HS3ST5: variants seen among roughly 807,000 people sequenced by gnomAD.
HS3ST5 encodes heparan sulfate glucosamine 3-O-sulfotransferase 5.
Under a neutral mutation model 25.4 loss-of-function variants are expected in HS3ST5, and 10 were observed. The observed-to-expected ratio is 0.39, with a 90% CI of 0.24 to 0.67. The LOEUF (loss-of-function observed/expected upper bound fraction) is 0.67, where lower values mean the gene tolerates loss of function less well. HS3ST5 is among the 30% of genes least tolerant of loss of function. The probability of loss-of-function intolerance (pLI) is 0.44; values close to 1 mark genes in which losing one functional copy is unlikely to be tolerated. For missense variants in HS3ST5, 324 were observed against 420.7 expected, an observed-to-expected ratio of 0.77 and a Z score of 2.01; for synonymous variants, 170 against 162.4, an observed-to-expected ratio of 1.05 and a Z score of -0.36.
At chr6:114,078,105 T>C (rs535878065) in intron 3 of HS3ST5, among the ~76,000 whole-genome samples, 26 of 152,376 alleles carry the variant, frequency 1.7e-4, no homozygotes, top group Non-Finnish European at 3.5e-4. Flanking sequence ...ACATGTTTGA[T>C]ATAAAATTTT....
chr6:114,245,480 T>C (rs1384310747), intron 1 of HS3ST5, among the ~76,000 whole-genome samples: 1 of 152,092 alleles, frequency 6.6e-6, no homozygotes, highest in Non-Finnish European at 1.5e-5. Context: ...CCTACTTGCA[T>C]GGATTGTCAC....
Position 114,342,471 on chromosome 6 carries a change from CG to C in HS3ST5, c.-616del, listed in dbSNP as rs565335883. ...GCGAGGTCTGAGGCGGGGAGCCGGG[CG>C]GGGGGGCAGGCGGGCGAGAAGTAGT... On this transcript the variant is annotated 5_prime_UTR_variant, in exon 1 of 5. Transcript: ENST00000312719. 10 of 180,588 alleles carry C rather than the reference CG, an allele frequency of 5.5e-5. No individual in the cohort carries two copies. Among genetic ancestry groups the C allele is most frequent in the East Asian group, 4.9e-4 (3 of 6,112 alleles). 11.2% of individuals were successfully genotyped at this position (180,588 alleles called of 1,614,324 possible).
intron 1 of HS3ST5, among the ~76,000 whole-genome samples, chr6:114,310,658 T>G (rs979737286): frequency 1.3e-5 from 2 of 152,108 alleles, no homozygotes; most frequent in Non-Finnish European, 2.9e-5. Context: ...AGTGGTTATG[T>G]CCCCAAAAAC....
chr6:114,323,781 G>T (rs1263837200), intron 1 of HS3ST5, among the ~76,000 whole-genome samples: 1 of 152,128 alleles, frequency 6.6e-6, no homozygotes, highest in Admixed American at 6.6e-5. Context: ...GTTATCCGGG[G>T]TATAAAGCTA....
intron 3 of HS3ST5, among the ~76,000 whole-genome samples, chr6:114,069,991 T>A (rs781316882): frequency 3.9e-5 from 6 of 152,108 alleles, no homozygotes; most frequent in Non-Finnish European, 7.4e-5. Context: ...TGTTATCTTG[T>A]TATATGGATA....
intron 3 of HS3ST5, among the ~76,000 whole-genome samples, chr6:114,113,510 T>C (rs115639082): frequency 1.9e-4 from 29 of 151,964 alleles, no homozygotes; most frequent in African/African-American, 6.8e-4. Flanking sequence ...GGAATGATCT[T>C]CCTCTCCTTC....
intron 1 of HS3ST5, among the ~76,000 whole-genome samples, chr6:114,310,528 T>C (rs1213702313): frequency 7.0e-6 from 1 of 143,446 alleles, no homozygotes; most frequent in Non-Finnish European, 1.5e-5. Flanking sequence ...ACCAAATAGC[T>C]TTTTTTTTTT....
At chr6:114,281,011 A>C (rs538685774) in intron 1 of HS3ST5, among the ~76,000 whole-genome samples, 1 of 152,108 alleles carries the variant, frequency 6.6e-6, no homozygotes, top group East Asian at 1.9e-4. Context: ...AAGCCTTATA[A>C]GTTTGGCCAA....
intron 3 of HS3ST5, among the ~76,000 whole-genome samples, chr6:114,150,465 A>G (rs1009794425): frequency 6.6e-6 from 1 of 152,212 alleles, no homozygotes; most frequent in Admixed American, 6.5e-5. Context: ...CAAAATAAGT[A>G]TTTACTTCAT....
At chr6:114,110,664 A>G (rs1425841869) in intron 3 of HS3ST5, among the ~76,000 whole-genome samples, 1 of 152,168 alleles carries the variant, frequency 6.6e-6, no homozygotes, top group Admixed American at 6.5e-5. Context: ...TAGAAAATTG[A>G]AAAGTTGAAA....
intron 3 of HS3ST5, chr6:114,142,904 C>G (rs1277042426): frequency 6.6e-6 from 1 of 152,198 alleles, no homozygotes; most frequent in Admixed American, 6.5e-5. Flanking sequence ...AGTACCACAG[C>G]AATTATCTTT....
intron 1 of HS3ST5, among the ~76,000 whole-genome samples, chr6:114,254,067 A>G (rs1189464366): frequency 6.6e-6 from 1 of 152,206 alleles, no homozygotes; most frequent in Non-Finnish European, 1.5e-5. Context: ...AAGAGAGAGA[A>G]GAGAAAAATA....
chr6:114,187,649 A>T (rs944874702), intron 2 of HS3ST5, among the ~76,000 whole-genome samples: 4 of 152,242 alleles, frequency 2.6e-5, no homozygotes, highest in Non-Finnish European at 5.9e-5. Flanking sequence ...GTTTTAGAAC[A>T]TTACATAAAC....
chr6:114,267,676 CA>C (rs1773466696), intron 1 of HS3ST5, among the ~76,000 whole-genome samples: 1 of 152,122 alleles, frequency 6.6e-6, no homozygotes, highest in Non-Finnish European at 1.5e-5. Context: ...TAGAACCAAC[CA>C]AACAGCCAAT....
chr6:114,151,024 C>T (rs755952170), intron 3 of HS3ST5, among the ~76,000 whole-genome samples: 8 of 152,096 alleles, frequency 5.3e-5, no homozygotes, highest in Non-Finnish European at 1.0e-4. Flanking sequence ...AGCACATATT[C>T]GCTTGCCCCT....
chr6:114,289,096 ACCATTTACTG>A (rs1774462089), intron 1 of HS3ST5, among the ~76,000 whole-genome samples: 1 of 152,130 alleles, frequency 6.6e-6, no homozygotes, highest in African/African-American at 2.4e-5. Context: ...AATATATTTA[ACCATTTACTG>A]CATTTTTCTA....
chr6:114,088,410 T>TA lies in HS3ST5; in HGVS notation c.-32-25534dup, dbSNP rs1554207571. On this transcript the variant is annotated intron_variant, in intron 3 of 4. Coordinates refer to ENST00000312719, the MANE Select transcript of HS3ST5 (RefSeq NM_153612.4). ...ATGATCTTCTCTTTTTTTTTTTTTT[T>TA]AATTTTTCTTATCAATATCTTATCC... Among the ~76,000 whole-genome samples the TA allele has an allele frequency of 3.4e-3, 513 of 150,644 alleles. 3 individuals carry two copies. The highest frequency in any genetic ancestry group is 0.01 in the African/African-American group (421 of 41,114).
At chr6:114,208,568 T>C (rs1380348378) in intron 2 of HS3ST5, among the ~76,000 whole-genome samples, 1 of 152,196 alleles carries the variant, frequency 6.6e-6, no homozygotes, top group Admixed American at 6.5e-5. Flanking sequence ...GAGAGGATCA[T>C]TGCAGGGGCG....
intron 1 of HS3ST5, among the ~76,000 whole-genome samples, chr6:114,257,594 T>G (rs1437055967): frequency 6.6e-6 from 1 of 152,158 alleles, no homozygotes; most frequent in East Asian, 1.9e-4. Flanking sequence ...AACAAGAAAC[T>G]TATACTAAGA....
Sources: gnomAD v4.1 joint callset for allele counts (sites outside exome capture counted in the v4.1 genomes callset) on GRCh38, gnomAD v4.1.1 for gene constraint, MANE v1.5 for transcripts, NCBI Gene and HGNC (gene_info 2026-07-23, HGNC 2026-07-21) for gene names.